Variants in USP8 observed in about 807,000 individuals in gnomAD.
USP8 encodes the protein ubiquitin specific peptidase 8.
USP8 carries 27 observed loss-of-function variants against 130.0 expected under a neutral mutation model. The observed-to-expected ratio is 0.21, with a 90% CI of 0.15 to 0.29. The LOEUF (loss-of-function observed/expected upper bound fraction) is 0.29, where lower values mean the gene tolerates loss of function less well. USP8 is among the 10% of genes least tolerant of loss of function. USP8 has a pLI of 1.00. For synonymous variants in USP8, 392 were observed against 444.1 expected, an observed-to-expected ratio of 0.88 and a Z score of 1.48; for missense variants, 1,029 against 1,312.2, an observed-to-expected ratio of 0.78 and a Z score of 3.33.
At chr15:50,490,678 AAT>A (rs1489301727) in intron 14 of USP8, among the ~76,000 whole-genome samples, 153 bp downstream of exon 14, 1 of 152,182 alleles carries the variant, frequency 6.6e-6, no homozygotes, top group African/African-American at 2.4e-5. Flanking sequence ...AAAACAAATG[AAT>A]AGAGAAAATG....
At chr15:50,434,639 A>G (rs2050041794) in intron 1 of USP8, among the ~76,000 whole-genome samples, 2 of 151,884 alleles carry the variant, frequency 1.3e-5, no homozygotes, top group Non-Finnish European at 2.9e-5. Flanking sequence ...TTTAAAAGAC[A>G]GGGTCTTGCT....
In USP8 at chr15:50,501,874, T is replaced by C. The variant is rs1317790335; in HGVS notation, c.*2786T>C. 1.3e-5 allele frequency: 2 copies of C among 152,222 alleles called. No individual in the cohort carries two copies. Among genetic ancestry groups the C allele is most frequent in the African/African-American group, 4.8e-5 (2 of 41,456 alleles). The allele number at this position is 152,222 out of a possible 1,614,324, so 9.4% of individuals were successfully genotyped here. ...AAGATCCAAGTAATAATAGTATTGT[T>C]ATATGTGAAAATTTTATGAAATTCA... On this transcript the variant is annotated 3_prime_UTR_variant, in exon 20 of 20. Transcript: ENST00000307179.
intron 18 of USP8, 109 bp downstream of exon 18, chr15:50,497,340 C>T (rs1210420605): frequency 6.7e-6 from 9 of 1,341,190 alleles, no homozygotes; most frequent in South Asian, 5.0e-5. Flanking sequence ...TAACAAAGGG[C>T]GATTATCTGG....
intron 10 of USP8, among the ~76,000 whole-genome samples, 171 bp downstream of exon 10, chr15:50,477,670 C>G (rs2051613175): frequency 6.6e-6 from 1 of 151,828 alleles, no homozygotes; most frequent in Non-Finnish European, 1.5e-5. Flanking sequence ...TGAAACCCCC[C>G]TCTCTACTAA....
At chr15:50,455,791 G>A (rs2050771089) in intron 4 of USP8, among the ~76,000 whole-genome samples, 1 of 152,126 alleles carries the variant, frequency 6.6e-6, no homozygotes, top group South Asian at 2.1e-4. Context: ...TCTAAACTTA[G>A]CTGGGCTCCT....
At position 50,504,487 on chromosome 15, in the gene USP8, G is replaced by C. The variant is rs2052630690; in HGVS notation, c.*5399G>C. The stretch of plus-strand genomic sequence containing the variant: ...TACAGTGAGCTGTGACTGAGCCACT[G>C]CTCTCCAGCCTGGCAACAGAATGAG... On this transcript the variant is annotated 3_prime_UTR_variant, in exon 20 of 20. Coordinates refer to ENST00000307179, the MANE Select transcript of USP8 (RefSeq NM_005154.5). 6.6e-6 allele frequency: 1 copy of C among 152,344 alleles called. No homozygotes were observed. Among genetic ancestry groups the C allele is most frequent in the Non-Finnish European group, 1.5e-5 (1 of 68,154 alleles). 9.4% of individuals were successfully genotyped at this position (152,344 alleles called of 1,614,324 possible).
intron 12 of USP8, 37 bp downstream of exon 12, chr15:50,484,398 A>T: frequency 1.3e-6 from 2 of 1,509,138 alleles, no homozygotes; most frequent in Non-Finnish European, 1.8e-6. Context: ...TGGAAAAAAA[A>T]GCCAAACATG....
chr15:50,449,590 T>G, intron 4 of USP8, 105 bp downstream of exon 4: 1 of 853,610 alleles, frequency 1.2e-6, no homozygotes, highest in Non-Finnish European at 1.6e-6. Flanking sequence ...ATTCCAATTT[T>G]TTTTTGAGAC....
chr15:50,482,053 A>C lies in USP8; in HGVS notation c.1791A>C (p.Ser597=), dbSNP rs755313736. The C allele has an allele frequency of 7.3e-6, 11 of 1,502,206 alleles. No individual in the cohort carries two copies. The highest frequency in any genetic ancestry group is 9.7e-6 in the Non-Finnish European group (11 of 1,131,290). The allele number at this position is 1,502,206 out of a possible 1,614,324, so 93.1% of individuals were successfully genotyped here. The part of the protein sequence containing the change: ...DVPHTSVTGD[S]GSGKPFKIKG... ...CCCATACATCTGTGACAGGGGATTC[A>C]GGTTCAGGCAAGGTAAGCAGAAACA... Residue 597 remains serine (S), a synonymous_variant, in exon 11 of 20, where the codon TCA becomes TCC. Transcript: ENST00000307179.
chr15:50,429,734 T>C lies in USP8; in HGVS notation c.-66+5220T>C, dbSNP rs560376492. On this transcript the variant is annotated intron_variant, in intron 1 of 19. Transcript: ENST00000307179. ...ATGTCTCATCCATAGAGATTCTGAT[T>C]TAATTGTTTAGGAGTGGGATCTGAG... Among the ~76,000 whole-genome samples, 4 of 152,250 alleles carry C rather than the reference T, an allele frequency of 2.6e-5. No individual in the cohort carries two copies. The East Asian group carries it at 5.8e-4, about 22-fold the overall frequency.
intron 11 of USP8, 104 bp downstream of exon 11, chr15:50,482,169 C>T: frequency 2.7e-6 from 3 of 1,091,376 alleles, no homozygotes; most frequent in African/African-American, 3.3e-5. Flanking sequence ...TTCAAATAGT[C>T]TTTTCAGGGG....
At chr15:50,472,916 C>T (rs2051429704) in intron 8 of USP8, among the ~76,000 whole-genome samples, 1 of 152,038 alleles carries the variant, frequency 6.6e-6, no homozygotes, top group African/African-American at 2.4e-5. Flanking sequence ...GTCTTACACA[C>T]ACACAAAAAA....
chr15:50,499,150 C>T lies in USP8; in HGVS notation c.*62C>T, dbSNP rs910878526. On this transcript the variant is annotated 3_prime_UTR_variant, in exon 20 of 20. Transcript: ENST00000307179. ...GCTCAGCAACACAACTCTTGAAATG[C>T]TTATCAGGATAATGGTAGCTATAGC... is the stretch of plus-strand genomic sequence containing the variant. 23 of 1,479,754 alleles carry T rather than the reference C, an allele frequency of 1.6e-5. No homozygotes were observed. Among genetic ancestry groups the T allele is most frequent in the Non-Finnish European group, 2.1e-5 (23 of 1,105,712 alleles). 91.7% of individuals were successfully genotyped at this position (1,479,754 alleles called of 1,614,324 possible). A position where few individuals can be genotyped will look rare whatever the true frequency, so the allele number is the denominator to read the frequency against.
chr15:50,493,299 T>C, intron 15 of USP8: 1 of 516,404 alleles, frequency 1.9e-6, no homozygotes, highest in Non-Finnish European at 3.9e-6. Context: ...GACGTGAATC[T>C]GGTGGTAACC....
At chr15:50,469,992 C>T (rs2051324671) in intron 7 of USP8, among the ~76,000 whole-genome samples, 1 of 152,086 alleles carries the variant, frequency 6.6e-6, no homozygotes, top group African/African-American at 2.4e-5. Flanking sequence ...CCACCACTTC[C>T]AGCTAATTTT....
rs2052108707 is a variant in USP8 at position 50,490,247 on chromosome 15, T to C, written c.1972-16T>C. 2.5e-6 allele frequency: 4 copies of C among 1,580,666 alleles called. No homozygotes were observed. The highest frequency in any genetic ancestry group is 2.6e-6 in the Non-Finnish European group (3 of 1,168,830). ...TTTGTTTTTTGACCTGTTTTTTTTT[T>C]TCTTTTCCATCTAAGTTTCTTGACC... On this transcript the variant is annotated splice_polypyrimidine_tract_variant and intron_variant, in intron 13 of 19. Coordinates refer to ENST00000307179, the MANE Select transcript of USP8 (RefSeq NM_005154.5).
intron 17 of USP8, among the ~76,000 whole-genome samples, chr15:50,496,436 T>C (rs939191946): frequency 7.0e-6 from 1 of 143,172 alleles, no homozygotes; most frequent in Non-Finnish European, 1.5e-5. Flanking sequence ...AGCTGAGATC[T>C]CGCCACTGCA....
chr15:50,425,550 C>T lies in USP8; in HGVS notation c.-66+1036C>T, dbSNP rs78700489. 1.6e-4 allele frequency among the ~76,000 whole-genome samples: 24 copies of T among 152,162 alleles called. No homozygotes were observed. The East Asian group carries it at 4.6e-3, about 29-fold the overall frequency. On this transcript the variant is annotated intron_variant, in intron 1 of 19. Coordinates refer to ENST00000307179, the MANE Select transcript of USP8 (RefSeq NM_005154.5). Reference sequence around the variant, plus strand: ...ATTAAGCATATCTGGAAGGTGATATCGGTTGTGTTATGTCTTTATCATGTT... The same window carrying T: ...ATTAAGCATATCTGGAAGGTGATATTGGTTGTGTTATGTCTTTATCATGTT...
At chr15:50,445,272 G>A (rs71469695) in intron 3 of USP8, among the ~76,000 whole-genome samples, 12 of 151,398 alleles carry the variant, frequency 7.9e-5, no homozygotes, top group African/African-American at 2.4e-4. Context: ...TAGGCTGGGC[G>A]CAATGGCTCA....
Sources: gnomAD v4.1 joint callset for allele counts (sites outside exome capture counted in the v4.1 genomes callset) on GRCh38, gnomAD v4.1.1 for gene constraint, MANE v1.5 for transcripts, NCBI Gene and HGNC (gene_info 2026-07-23, HGNC 2026-07-21) for gene names.